Variants in ROR2 observed in about 807,000 individuals in gnomAD.
ROR2 encodes the protein ROR family WNT receptor 2, also known as tyrosine-protein kinase transmembrane receptor ROR2.
A neutral mutation model predicts 74.9 loss-of-function variants in ROR2; 33 were observed. The observed-to-expected ratio is 0.44, with a 90% CI of 0.33 to 0.59. ROR2 has a LOEUF of 0.59. Among genes scored for constraint, ROR2 ranks in the 20% least tolerant of loss-of-function variants. The probability of loss-of-function intolerance (pLI) is 0.02; values close to 1 mark genes in which losing one functional copy is unlikely to be tolerated. For missense variants in ROR2, 1,216 were observed against 1,313.8 expected (o/e 0.93, Z 1.15); for synonymous variants, 586 against 558.7 (o/e 1.05, Z -0.69).
At chr9:91,830,667 G>C (rs1265184152) in intron 1 of ROR2, among the ~76,000 whole-genome samples, 2 of 141,858 alleles carry the variant, frequency 1.4e-5, no homozygotes, top group Non-Finnish European at 3.0e-5. Context: ...ATGGAGCTTC[G>C]AGTTTATTTT....
chr9:91,781,976 G>A (rs1443478597), intron 1 of ROR2, among the ~76,000 whole-genome samples: 1 of 152,222 alleles, frequency 6.6e-6, no homozygotes, highest in African/African-American at 2.4e-5. Context: ...AAAGCCCACT[G>A]TCAGGGGCCA....
chr9:91,772,521 C>T (rs990877698), intron 2 of ROR2, among the ~76,000 whole-genome samples: 2 of 152,218 alleles, frequency 1.3e-5, no homozygotes, highest in Non-Finnish European at 2.9e-5. Context: ...AACTGTGATA[C>T]TATACTACTC....
intron 1 of ROR2, among the ~76,000 whole-genome samples, chr9:91,934,600 T>C (rs1831634036): frequency 6.6e-6 from 1 of 152,218 alleles, no homozygotes; most frequent in Admixed American, 6.5e-5. Context: ...TTGTTCTTTC[T>C]TTTTCATTTT....
Position 91,856,471 on chromosome 9 carries a change from AGAG to A in ROR2, c.98-80656_98-80654del, listed in dbSNP as rs1286715531. ...AATGCATTTGGAGACAGACTTTTAA[AGAG>A]GAGATTAAGGTAAAAACAAGGTCAT... is the stretch of plus-strand genomic sequence containing the variant. On this transcript the variant is annotated intron_variant, in intron 1 of 8. Transcript: ENST00000375708. Among the ~76,000 whole-genome samples, 10 of 152,362 alleles carry A rather than the reference AGAG, an allele frequency of 6.6e-5. No homozygotes were observed. In the South Asian group the frequency reaches 2.1e-3, roughly 32 times the overall value.
In ROR2 at chr9:91,830,772, G is replaced by C. The variant is rs564233677; in HGVS notation, c.98-54954C>G. On this transcript the variant is annotated intron_variant, in intron 1 of 8. Coordinates refer to ENST00000375708, the MANE Select transcript of ROR2 (RefSeq NM_004560.4). ...GGAACAAATTTTGAAAAAAAAGTTAGTATGAATACATTTTACCAAAACTAA... is the reference window on the plus strand; with the variant it reads ...GGAACAAATTTTGAAAAAAAAGTTACTATGAATACATTTTACCAAAACTAA... 2.6e-4 allele frequency among the ~76,000 whole-genome samples: 40 copies of C among 151,524 alleles called. 2 individuals are homozygous for C. In the South Asian group the frequency reaches 8.2e-3, roughly 31 times the overall value.
intron 1 of ROR2, among the ~76,000 whole-genome samples, chr9:91,943,921 G>C (rs751324348): frequency 6.6e-6 from 1 of 152,128 alleles, no homozygotes; most frequent in Non-Finnish European, 1.5e-5. Flanking sequence ...AGCCATATAC[G>C]ACAAGCCCAG....
intron 1 of ROR2, among the ~76,000 whole-genome samples, chr9:91,912,325 T>TAATA (rs1831014750): frequency 6.6e-6 from 1 of 152,178 alleles, no homozygotes; most frequent in Non-Finnish European, 1.5e-5. Context: ...TCCTACTTAT[T>TAATA]AGTACAGTAG....
chr9:91,903,709 A>G (rs1189095839), intron 1 of ROR2, among the ~76,000 whole-genome samples: 1 of 152,154 alleles, frequency 6.6e-6, no homozygotes, highest in African/African-American at 2.4e-5. Context: ...CCCGGTGAGC[A>G]TTCGACAACT....
At chr9:91,784,653 T>C (rs944166810) in intron 1 of ROR2, among the ~76,000 whole-genome samples, 36 of 152,366 alleles carry the variant, frequency 2.4e-4, no homozygotes, top group Middle Eastern at 3.4e-3. Flanking sequence ...TGGCAATTTA[T>C]GTACTTTTGT....
intron 1 of ROR2, among the ~76,000 whole-genome samples, chr9:91,856,897 T>C (rs1191480596): frequency 6.6e-6 from 1 of 152,316 alleles, no homozygotes; most frequent in Non-Finnish European, 1.5e-5. Flanking sequence ...GGGGTATTAT[T>C]TTAACCATCC....
chr9:91,935,563 G>T (rs1409742675), intron 1 of ROR2, among the ~76,000 whole-genome samples: 1 of 152,218 alleles, frequency 6.6e-6, no homozygotes, highest in African/African-American at 2.4e-5. Flanking sequence ...CCGCCATGAG[G>T]ATGTTTGCTT....
At chr9:91,839,187 T>C (rs1245799102) in intron 1 of ROR2, among the ~76,000 whole-genome samples, 1 of 152,016 alleles carries the variant, frequency 6.6e-6, no homozygotes, top group Non-Finnish European at 1.5e-5. Flanking sequence ...GCTGGGTGTA[T>C]TTCGTGTTTA....
At chr9:91,834,942 T>C (rs905212384) in intron 1 of ROR2, among the ~76,000 whole-genome samples, 3 of 152,180 alleles carry the variant, frequency 2.0e-5, no homozygotes, top group African/African-American at 4.8e-5. Context: ...CAGGAAATGA[T>C]TGCTTTTCCA....
chr9:91,876,292 C>A (rs1267803876), intron 1 of ROR2, among the ~76,000 whole-genome samples: 2 of 152,036 alleles, frequency 1.3e-5, no homozygotes, highest in Admixed American at 1.3e-4. Context: ...TCACTTGAAC[C>A]TAGCAGGCGG....
rs199855010 is a variant in ROR2, at chr9:91,723,712, C to T, written c.2782G>A (p.Asp928Asn). The T allele has an allele frequency of 6.2e-7, 1 of 1,613,910 alleles. No homozygotes were observed. The highest frequency in any genetic ancestry group is 8.5e-7 in the Non-Finnish European group (1 of 1,180,022). ...TCGTCCACCTGCAGAGTGTCACAGTCCCCCAGCAGCTCAGTCTCTGGGACA... is the reference window on the plus strand; with the variant it reads ...TCGTCCACCTGCAGAGTGTCACAGTTCCCCAGCAGCTCAGTCTCTGGGACA... ...GSVPETELLG[D>N]CDTLQVDEAQ... Residue 928 changes from aspartate (D) to asparagine (N), a missense_variant, in exon 9 of 9, where the codon GAC (aspartate) becomes AAC (asparagine). Physicochemically the swap from Asp to Asn is conservative, Grantham distance 23. Transcript: ENST00000375708.
chr9:91,929,789 C>G (rs1281870032), intron 1 of ROR2, among the ~76,000 whole-genome samples: 1 of 152,024 alleles, frequency 6.6e-6, no homozygotes, highest in East Asian at 1.9e-4. Context: ...CTCCATAAAC[C>G]CCAGGAAGAG....
chr9:91,723,590 C>G lies in ROR2; in HGVS notation c.*72G>C. Reference sequence around the variant, plus strand: ...TTGTGATTGCTGAGTATGGTGTCTTCTCAAAGGTGACTGAGGTCCCTGTGG... The same window carrying G: ...TTGTGATTGCTGAGTATGGTGTCTTGTCAAAGGTGACTGAGGTCCCTGTGG... On this transcript the variant is annotated 3_prime_UTR_variant, in exon 9 of 9. Transcript: ENST00000375708. The G allele has an allele frequency of 6.3e-7, 1 of 1,584,822 alleles. No individual in the cohort carries two copies. The highest frequency in any genetic ancestry group is 8.6e-7 in the Non-Finnish European group (1 of 1,168,764).
intron 4 of ROR2, among the ~76,000 whole-genome samples, chr9:91,739,864 C>G (rs1313270255): frequency 2.0e-5 from 3 of 152,212 alleles, no homozygotes; most frequent in Non-Finnish European, 2.9e-5. Flanking sequence ...GCCACACTAC[C>G]AACATAAATG....
At chr9:91,928,078 G>A (rs572184515) in intron 1 of ROR2, among the ~76,000 whole-genome samples, 3 of 151,990 alleles carry the variant, frequency 2.0e-5, no homozygotes, top group South Asian at 2.1e-4. Flanking sequence ...CCCACTTCCC[G>A]CCACCTCCTG....
Sources: allele counts gnomAD v4.1 joint callset (sites outside exome capture counted in the v4.1 genomes callset), GRCh38; gene constraint gnomAD v4.1.1; transcripts MANE v1.5; gene names NCBI Gene and HGNC (gene_info 2026-07-23, HGNC 2026-07-21).